Variants in TRIM14 observed in about 807,000 individuals in gnomAD.
TRIM14 encodes the protein tripartite motif-containing protein 14.
A neutral mutation model predicts 44.5 loss-of-function variants in TRIM14; 28 were observed. That is an observed-to-expected ratio of 0.63 (90% CI 0.47 to 0.86). The LOEUF is 0.86. Among genes scored for constraint, TRIM14 ranks in the 40% least tolerant of loss-of-function variants. The pLI, the probability that TRIM14 is intolerant of heterozygous loss-of-function variation, is 0.00. For missense variants in TRIM14, 607 were observed against 611.1 expected, an observed-to-expected ratio of 0.99 and a Z score of 0.07; for synonymous variants, 299 against 269.2, an observed-to-expected ratio of 1.11 and a Z score of -1.08.
chr9:98,060,888 C>T, the TRIM14 span: 56 of 1,614,020 alleles, frequency 3.5e-5, no homozygotes, highest in South Asian at 3.0e-4. Context: ...TGGGGGAAGA[C>T]GTACGGGGAG....
chr9:98,074,452 G>A (rs1296021843), intron 6 of TRIM14, among the ~76,000 whole-genome samples: 2 of 152,192 alleles, frequency 1.3e-5, no homozygotes, highest in Non-Finnish European at 2.9e-5. Context: ...GACCCAGCCT[G>A]TAGTAGCCCC....
At chr9:98,112,030 A>T (rs1187242539) in intron 1 of TRIM14, among the ~76,000 whole-genome samples, 1 of 152,182 alleles carries the variant, frequency 6.6e-6, no homozygotes, top group Admixed American at 6.5e-5. Flanking sequence ...TGAATCATTT[A>T]TATGGTATAG....
At chr9:98,080,945 TGGAAG>T, downstream of TRIM14, 1 of 1,614,200 alleles carries the variant, frequency 6.2e-7, no homozygotes, top group Non-Finnish European at 8.5e-7. Context: ...GGACAAGACC[TGGAAG>T]GGGAGTGACC....
intron 4 of TRIM14, among the ~76,000 whole-genome samples, chr9:98,093,572 C>T (rs938136488): frequency 6.6e-6 from 1 of 152,050 alleles, no homozygotes; most frequent in African/African-American, 2.4e-5. Context: ...AGAGGCCGTG[C>T]CTATGACCAC....
intron 1 of TRIM14, 177 bp from the exon 2 acceptor site, chr9:98,110,161 C>T (rs1826790654): frequency 1.7e-6 from 1 of 594,988 alleles, no homozygotes; most frequent in Non-Finnish European, 3.0e-6. Flanking sequence ...ACTAGGACAT[C>T]TCTGATCCTC....
intron 2 of TRIM14, among the ~76,000 whole-genome samples, chr9:98,106,969 G>A (rs1215971929): frequency 6.6e-6 from 1 of 151,952 alleles, no homozygotes; most frequent in Non-Finnish European, 1.5e-5. Flanking sequence ...TGGGACTACA[G>A]GCATGTGCCA....
the TRIM14 span, among the ~76,000 whole-genome samples, chr9:98,052,704 C>T: frequency 3.9e-5 from 6 of 152,108 alleles, no homozygotes; most frequent in African/African-American, 1.4e-4. Flanking sequence ...TGAGGTTTCT[C>T]CATGTTAGTC....
intron 6 of TRIM14, chr9:98,078,474 TGTTACCAA>T: frequency 8.2e-7 from 1 of 1,223,780 alleles, no homozygotes; most frequent in Non-Finnish European, 1.1e-6. Flanking sequence ...ACAGTCTTGC[TGTTACCAA>T]ATCAAATTCG....
chr9:98,064,444 T>A (rs1430714681), downstream of TRIM14, among the ~76,000 whole-genome samples: 2 of 152,024 alleles, frequency 1.3e-5, no homozygotes, highest in Non-Finnish European at 2.9e-5. Flanking sequence ...TTAGTAGAGA[T>A]GGGGTTTCAC....
At chr9:98,074,041 C>T (rs7030590) in intron 6 of TRIM14, among the ~76,000 whole-genome samples, 2,167 of 152,232 alleles carry the variant, frequency 0.014, 49 homozygotes, top group African/African-American at 0.05. Flanking sequence ...CTGCCTTGGC[C>T]TCCCAAAGTG....
the TRIM14 span, among the ~76,000 whole-genome samples, chr9:98,047,267 C>T: frequency 1.7e-3 from 254 of 152,248 alleles, no homozygotes; most frequent in Non-Finnish European, 2.7e-3. Context: ...TTTTGCCTTT[C>T]ACCATAACTG....
In TRIM14 at chr9:98,085,017, G is replaced by A. The variant is rs1179077000; in HGVS notation, c.*2453C>T. ...AACTGCCGCTTTCTGGCTATCACGG[G>A]CCTTGACACAGCTAGTTTGTGACCT... On this transcript the variant is annotated 3_prime_UTR_variant, in exon 6 of 6. Transcript: ENST00000341469. 3 of 152,138 alleles carry A rather than the reference G, an allele frequency of 2.0e-5. No homozygotes were observed. Among genetic ancestry groups the A allele is most frequent in the Non-Finnish European group, 4.4e-5 (3 of 68,042 alleles). 9.4% of individuals were successfully genotyped at this position (152,138 alleles called of 1,614,324 possible). A position where few individuals can be genotyped will look rare whatever the true frequency, so the allele number is the denominator to read the frequency against.
chr9:98,060,379 G>T, the TRIM14 span, among the ~76,000 whole-genome samples: 2 of 152,086 alleles, frequency 1.3e-5, no homozygotes, highest in Non-Finnish European at 2.9e-5. Context: ...TTTAAAGATG[G>T]TGATGTCGGC....
chr9:98,061,663 C>T, the TRIM14 span, among the ~76,000 whole-genome samples: 1 of 149,526 alleles, frequency 6.7e-6, no homozygotes, highest in Non-Finnish European at 1.5e-5. Flanking sequence ...GTCTGTAGTC[C>T]CAGCTACTTG....
Position 98,095,342 on chromosome 9 carries a change from A to G in TRIM14, c.538-313T>C, listed in dbSNP as rs916293313. On this transcript the variant is annotated intron_variant, in intron 3 of 5. Coordinates refer to ENST00000341469, the MANE Select transcript of TRIM14 (RefSeq NM_014788.4). The surrounding 1 kb of genome is among the most constrained non-coding windows in gnomAD (Gnocchi z 4.1). Reference sequence around the variant, plus strand: ...TACTCTGTGCCAGCTATGCATGCAGAAGGCAGGGTCAGGCTGACACGGGGC... The same window carrying G: ...TACTCTGTGCCAGCTATGCATGCAGGAGGCAGGGTCAGGCTGACACGGGGC... 6.6e-6 allele frequency among the ~76,000 whole-genome samples: 1 copy of G among 152,242 alleles called. No homozygotes were observed. Among genetic ancestry groups the G allele is most frequent in the Non-Finnish European group, 1.5e-5 (1 of 68,038 alleles).
intron 3 of TRIM14, among the ~76,000 whole-genome samples, chr9:98,097,448 C>T (rs1826227612): frequency 6.6e-6 from 1 of 152,218 alleles, no homozygotes; most frequent in South Asian, 2.1e-4. Context: ...TGTGCTCCTA[C>T]TCATTGTCCA....
the TRIM14 span, chr9:98,056,825 A>G: frequency 1.9e-6 from 3 of 1,608,948 alleles, no homozygotes; most frequent in Admixed American, 5.0e-5. Context: ...CTGGAGCTGG[A>G]GCTGTGTCCC....
chr9:98,077,108 A>G, intron 6 of TRIM14: 1 of 926,140 alleles, frequency 1.1e-6, no homozygotes, highest in Non-Finnish European at 1.6e-6. Context: ...AGCAGATTTC[A>G]TGAAGACAAA....
In TRIM14 at chr9:98,091,900, G is replaced by C; in HGVS notation, c.793+9C>G. ...GTCTCCACCCTATCCCCACTCCCGG[G>C]GGTCTTACATTTCAGCAATAGCGAT... On this transcript the variant is annotated intron_variant, in intron 5 of 5. Transcript: ENST00000341469. 1.9e-6 allele frequency: 3 copies of C among 1,581,030 alleles called. No homozygotes were observed. The highest frequency in any genetic ancestry group is 2.6e-6 in the Non-Finnish European group (3 of 1,159,944).
Sources: gnomAD v4.1 joint callset for allele counts (sites outside exome capture counted in the v4.1 genomes callset) on GRCh38, gnomAD v4.1.1 for gene constraint, Gnocchi (gnomAD v3.1) non-coding constraint, MANE v1.5 for transcripts, NCBI Gene and HGNC (gene_info 2026-07-23, HGNC 2026-07-21) for gene names.